Variants in MPRIP observed in about 807,000 individuals in gnomAD.
The protein encoded by MPRIP is myosin phosphatase Rho interacting protein.
MPRIP carries 59 observed loss-of-function variants against 234.9 expected under a neutral mutation model. The observed-to-expected ratio is 0.25, with a 90% CI of 0.20 to 0.31. The LOEUF is 0.31. MPRIP is among the 10% of genes least tolerant of loss of function. MPRIP has a pLI of 1.00. For synonymous variants in MPRIP, 1,144 were observed against 1,263.9 expected, an observed-to-expected ratio of 0.91 and a Z score of 2.01; for missense variants, 2,436 against 3,071.0, an observed-to-expected ratio of 0.79 and a Z score of 4.89.
intron 3 of MPRIP, among the ~76,000 whole-genome samples, chr17:17,115,112 A>G (rs1855050063): frequency 6.6e-6 from 1 of 152,222 alleles, no homozygotes; most frequent in South Asian, 2.1e-4. Flanking sequence ...CAGATGCTGC[A>G]CATCTTGGAG....
At chr17:17,125,680 A>G (rs2090477795) in intron 3 of MPRIP, among the ~76,000 whole-genome samples, 1 of 152,214 alleles carries the variant, frequency 6.6e-6, no homozygotes, top group Non-Finnish European at 1.5e-5. Context: ...TGCTCTTGAG[A>G]CCAAGCCCCC....
intron 1 of MPRIP, among the ~76,000 whole-genome samples, chr17:17,051,595 A>G (rs2088542676): frequency 6.6e-6 from 1 of 152,184 alleles, no homozygotes; most frequent in Non-Finnish European, 1.5e-5. Flanking sequence ...GCAGGTTCGA[A>G]AACTCTGCCC....
rs2046480122 is a variant in MPRIP at position 17,186,625 on chromosome 17, A to C, written c.*1731A>C. 1 of 152,198 alleles carries C rather than the reference A, an allele frequency of 6.6e-6. No homozygotes were observed. Among genetic ancestry groups the C allele is most frequent in the Admixed American group, 6.5e-5 (1 of 15,280 alleles). 9.4% of individuals were successfully genotyped at this position (152,198 alleles called of 1,614,324 possible). A position where few individuals can be genotyped will look rare whatever the true frequency, so the allele number is the denominator to read the frequency against. On this transcript the variant is annotated 3_prime_UTR_variant, in exon 24 of 24. Coordinates refer to ENST00000651222, the MANE Select transcript of MPRIP (RefSeq NM_001364716.4). Reference sequence around the variant, plus strand: ...TCCCAGCTACTCAGGAGGCTGAGGTAGTAGGATTGCTTGAGCCCGGGAGGT... The same window carrying C: ...TCCCAGCTACTCAGGAGGCTGAGGTCGTAGGATTGCTTGAGCCCGGGAGGT...
chr17:17,169,083 C>T (rs1479638442), intron 16 of MPRIP: 4 of 438,674 alleles, frequency 9.1e-6, no homozygotes, highest in African/African-American at 8.2e-5. Flanking sequence ...CTCTTTTTCA[C>T]CATTCTTTCC....
intron 1 of MPRIP, among the ~76,000 whole-genome samples, chr17:17,068,819 C>G (rs2089121392): frequency 1.3e-5 from 2 of 152,202 alleles, no homozygotes; most frequent in African/African-American, 4.8e-5. Context: ...CAGGTGTGAG[C>G]CACTGCGCCC....
intron 5 of MPRIP, among the ~76,000 whole-genome samples, chr17:17,134,157 C>G (rs1323460801): frequency 6.6e-6 from 1 of 152,250 alleles, no homozygotes; most frequent in Non-Finnish European, 1.5e-5. Flanking sequence ...CACCCCCACT[C>G]CAAGTTAGAA....
intron 3 of MPRIP, among the ~76,000 whole-genome samples, chr17:17,090,025 C>A (rs570687232): frequency 2.9e-4 from 44 of 152,334 alleles, no homozygotes; most frequent in African/African-American, 8.9e-4. Flanking sequence ...TTCACTGATT[C>A]AACCCCAGGG....
intron 16 of MPRIP, 199 bp downstream of exon 16, chr17:17,168,114 CAGG>C (rs2046045329): frequency 1.0e-5 from 4 of 381,400 alleles, no homozygotes; most frequent in East Asian, 7.7e-5. Flanking sequence ...TGTCCTCCAC[CAGG>C]AGGAGAACTA....
intron 1 of MPRIP, chr17:17,057,526 A>G (rs947163725): frequency 5.7e-6 from 4 of 700,716 alleles, no homozygotes; most frequent in South Asian, 3.1e-5. Flanking sequence ...CAGAGGGCCC[A>G]CAGAGCCCCA....
intron 3 of MPRIP, among the ~76,000 whole-genome samples, chr17:17,086,857 G>C (rs1004571434): frequency 2.0e-5 from 3 of 152,206 alleles, no homozygotes; most frequent in African/African-American, 7.2e-5. Flanking sequence ...GGAGCTTCAA[G>C]ATGGATGTTC....
chr17:17,100,298 A>G (rs1217483801), intron 3 of MPRIP, among the ~76,000 whole-genome samples: 1 of 152,230 alleles, frequency 6.6e-6, no homozygotes, highest in East Asian at 1.9e-4. Flanking sequence ...CGGCTGACCC[A>G]GTGAGTCCAG....
At chr17:17,056,243 G>T (rs756838763) in intron 1 of MPRIP, among the ~76,000 whole-genome samples, 1 of 152,210 alleles carries the variant, frequency 6.6e-6, no homozygotes, top group Non-Finnish European at 1.5e-5. Context: ...TGGGAAGGAC[G>T]GCTTTTTGAG....
chr17:17,096,682 C>A, intron 3 of MPRIP: 1 of 461,534 alleles, frequency 2.2e-6, no homozygotes, highest in South Asian at 1.6e-5. Flanking sequence ...CTGCCTTGAG[C>A]AATACCATCA....
At chr17:17,174,696 G>A (rs1262984345) in intron 19 of MPRIP, among the ~76,000 whole-genome samples, 1 of 152,032 alleles carries the variant, frequency 6.6e-6, no homozygotes, top group African/African-American at 2.4e-5. Context: ...TTAGCTGGGT[G>A]TGGTGGTGGG....
intron 16 of MPRIP, 152 bp from the exon 17 acceptor site, chr17:17,171,566 C>T: frequency 1.1e-6 from 1 of 893,088 alleles, no homozygotes; most frequent in Admixed American, 2.5e-5. Flanking sequence ...CCCCAGGGAT[C>T]CTGTTCAGGG....
intron 17 of MPRIP, among the ~76,000 whole-genome samples, chr17:17,172,115 G>A (rs984215728): frequency 6.6e-6 from 1 of 152,248 alleles, no homozygotes; most frequent in South Asian, 2.1e-4. Context: ...ACAAGGAGCT[G>A]TCCCAACCTG....
At chr17:17,136,109 C>T in intron 5 of MPRIP, 110 bp from the exon 6 acceptor site, 1 of 1,101,530 alleles carries the variant, frequency 9.1e-7, no homozygotes. Flanking sequence ...AGGCCCCTGA[C>T]ATTGTGTAGC....
chr17:17,167,452 G>A lies in MPRIP; in HGVS notation c.5861G>A (p.Cys1954Tyr). 7.7e-7 allele frequency: 1 copy of A among 1,304,214 alleles called. No individual in the cohort carries two copies. The highest frequency in any genetic ancestry group is 1.0e-6 in the Non-Finnish European group (1 of 988,966). 80.8% of individuals were successfully genotyped at this position (1,304,214 alleles called of 1,614,324 possible). Residue 1954 changes from cysteine (C) to tyrosine (Y), a missense_variant, in exon 16 of 24, where the codon TGT becomes TAT. Around this residue, in one of 4 missense-constraint regions of MPRIP, gnomAD observed 1,998 missense variants for 2,520.3 expected, o/e 0.79. Coordinates refer to ENST00000651222, the MANE Select transcript of MPRIP (RefSeq NM_001364716.4). This position sits in a 1 kb window ranked among gnomAD's most constrained non-coding sequence, Gnocchi z 5.9. ...GGCAGGTATGAGGAGGAGATTCGGT[G>A]TGTGGTGGAGCAGCTGACCAGGACC... ...LRGRYEEEIRCVVEQLTRTES... is the reference protein window; with the variant it reads ...LRGRYEEEIRYVVEQLTRTES...
chr17:17,165,211 T>C lies in MPRIP; in HGVS notation c.3620T>C (p.Ile1207Thr). The C allele has an allele frequency of 7.7e-7, 1 of 1,304,066 alleles. No individual in the cohort carries two copies. The highest frequency in any genetic ancestry group is 1.0e-6 in the Non-Finnish European group (1 of 988,942). The allele number at this position is 1,304,066 out of a possible 1,614,324, so 80.8% of individuals were successfully genotyped here. The stretch of plus-strand genomic sequence containing the variant: ...GGGAGCAGCTTAGAGGAAACAGAAA[T>C]TAAGCTCCAGGCAAAAGAAGAGATT... ...ALGSSLEETE[I>T]KLQAKEEILR... Residue 1207 changes from isoleucine to threonine, a missense_variant, in exon 16 of 24, where the codon ATT becomes ACT. Transcript: ENST00000651222.
Sources: allele counts gnomAD v4.1 joint callset (sites outside exome capture counted in the v4.1 genomes callset), GRCh38; gene constraint gnomAD v4.1.1; regional missense constraint gnomAD v4.1.1; non-coding constraint Gnocchi (gnomAD v3.1); transcripts MANE v1.5; gene names NCBI Gene and HGNC (gene_info 2026-07-23, HGNC 2026-07-21).